The following NPAS3 variants were observed in gnomAD, a reference collection of about 807,000 sequenced individuals.
NPAS3 encodes the protein neuronal PAS domain protein 3.
In NPAS3, 14 loss-of-function variants were observed where a neutral mutation model predicts 73.1. That is an observed-to-expected ratio of 0.19 (90% CI 0.13 to 0.30). The LOEUF is 0.30. Ranked by LOEUF, NPAS3 falls within the 10% of genes least tolerant of loss-of-function variation. The probability of loss-of-function intolerance (pLI) is 1.00; values close to 1 mark genes in which losing one functional copy is unlikely to be tolerated. For missense variants in NPAS3, 1,096 were observed against 1,250.0 expected (o/e 0.88, Z 1.86); for synonymous variants, 620 against 541.5 (o/e 1.14, Z -2.01).
At chr14:33,018,050 C>T (rs1180869368) in intron 1 of NPAS3, among the ~76,000 whole-genome samples, 1 of 152,066 alleles carries the variant, frequency 6.6e-6, no homozygotes, top group Admixed American at 6.5e-5. Context: ...AAAAAAGAAA[C>T]TGGTCCCATT....
chr14:33,635,079 G>A (rs560758201), intron 5 of NPAS3, among the ~76,000 whole-genome samples: 1 of 152,284 alleles, frequency 6.6e-6, no homozygotes, highest in South Asian at 2.1e-4. Flanking sequence ...GGAGAAAAGC[G>A]GGGCCCAGGT....
At chr14:33,731,427 A>G (rs1428464858) in intron 6 of NPAS3, among the ~76,000 whole-genome samples, 1 of 148,604 alleles carries the variant, frequency 6.7e-6, no homozygotes, top group Non-Finnish European at 1.5e-5. Context: ...TCATTTGAAA[A>G]AAAAAAAAAA....
intron 6 of NPAS3, among the ~76,000 whole-genome samples, chr14:33,716,594 G>A (rs564222419): frequency 1.3e-5 from 2 of 152,130 alleles, no homozygotes; most frequent in East Asian, 1.9e-4. Context: ...ATCCTAAACC[G>A]AAACCCTGTA....
chr14:33,332,017 G>A (rs1277654797), intron 3 of NPAS3, among the ~76,000 whole-genome samples: 1 of 152,156 alleles, frequency 6.6e-6, no homozygotes, highest in Non-Finnish European at 1.5e-5. Flanking sequence ...TGCAGTGCTT[G>A]CTGCTGAAAA....
At chr14:33,025,581 C>A (rs996711930) in intron 1 of NPAS3, among the ~76,000 whole-genome samples, 2 of 152,144 alleles carry the variant, frequency 1.3e-5, no homozygotes, top group African/African-American at 4.8e-5. Context: ...CCACCCAAAT[C>A]TCATGTTGAA....
intron 3 of NPAS3, among the ~76,000 whole-genome samples, chr14:33,234,558 T>C (rs947671436): frequency 1.3e-5 from 2 of 152,114 alleles, no homozygotes; most frequent in Non-Finnish European, 2.9e-5. Context: ...GTCTGGCCAG[T>C]TCAGTTATAT....
At chr14:33,604,398 ATATAAC>A (rs1369586778) in intron 5 of NPAS3, among the ~76,000 whole-genome samples, 2 of 152,130 alleles carry the variant, frequency 1.3e-5, no homozygotes, top group Non-Finnish European at 2.9e-5. Context: ...AGATCAAAGA[ATATAAC>A]TATGGATAAA....
At position 33,193,242 on chromosome 14, in the gene NPAS3, A is replaced by G. The variant is rs545013950; in HGVS notation, c.141-21940A>G. Among the ~76,000 whole-genome samples the G allele has an allele frequency of 3.3e-5, 5 of 150,422 alleles. No homozygotes were observed. In the South Asian group the frequency reaches 8.4e-4, roughly 25 times the overall value. On this transcript the variant is annotated intron_variant, in intron 2 of 11. Transcript: ENST00000356141. ...GCTTAACATTTTATTTATTTATTTA[A>G]CTATAGATTGGTTTGAGATGCAATA...
intron 1 of NPAS3, among the ~76,000 whole-genome samples, chr14:32,975,578 T>C (rs1339792277): frequency 6.6e-6 from 1 of 152,228 alleles, no homozygotes; most frequent in African/African-American, 2.4e-5. Context: ...AGGAGATTTA[T>C]AAGGAAACAT....
intron 2 of NPAS3, among the ~76,000 whole-genome samples, chr14:33,118,853 A>C (rs999267225): frequency 6.6e-6 from 1 of 151,788 alleles, no homozygotes; most frequent in Non-Finnish European, 1.5e-5. Context: ...AGGGCAAGAC[A>C]GCTCAGCAAA....
chr14:33,616,677 C>G (rs988173874), intron 5 of NPAS3, among the ~76,000 whole-genome samples: 6 of 152,162 alleles, frequency 3.9e-5, no homozygotes, highest in African/African-American at 1.4e-4. Flanking sequence ...TAGAGCAACT[C>G]TTTAAAACCG....
chr14:33,501,361 A>G (rs753853412), intron 4 of NPAS3, among the ~76,000 whole-genome samples: 364 of 152,010 alleles, frequency 2.4e-3, no homozygotes, highest in Non-Finnish European at 4.3e-3. Context: ...TTTATTGTCT[A>G]TTGGGGCAGT....
At chr14:32,990,940 C>CA (rs202034165) in intron 1 of NPAS3, among the ~76,000 whole-genome samples, 7,147 of 147,580 alleles carry the variant, frequency 0.048, 424 homozygotes, top group African/African-American at 0.15. Context: ...AAAACAAAAA[C>CA]AAAAAAAAAC....
At chr14:33,371,780 A>C (rs1279716985) in intron 4 of NPAS3, among the ~76,000 whole-genome samples, 1 of 152,206 alleles carries the variant, frequency 6.6e-6, no homozygotes, top group East Asian at 1.9e-4. Context: ...TTCAGCTTAA[A>C]TATGATGAAT....
chr14:33,272,367 A>G (rs1372818277), intron 3 of NPAS3, among the ~76,000 whole-genome samples: 1 of 152,156 alleles, frequency 6.6e-6, no homozygotes, highest in Non-Finnish European at 1.5e-5. Context: ...TAGAGTCATA[A>G]TCTTAAGTAT....
intron 1 of NPAS3, among the ~76,000 whole-genome samples, chr14:33,053,197 C>A (rs1056013164): frequency 1.3e-5 from 2 of 152,108 alleles, no homozygotes; most frequent in Admixed American, 1.3e-4. Context: ...TGTTATTTGA[C>A]CAGATGGTGG....
intron 3 of NPAS3, among the ~76,000 whole-genome samples, chr14:33,288,113 G>C (rs554922584): frequency 1.3e-5 from 2 of 152,104 alleles, no homozygotes; most frequent in Non-Finnish European, 2.9e-5. Context: ...GTCCAGAAGA[G>C]GAAACTGATT....
At chr14:33,742,330 A>G (rs1370264669) in intron 7 of NPAS3, among the ~76,000 whole-genome samples, 1 of 152,198 alleles carries the variant, frequency 6.6e-6, no homozygotes, top group Non-Finnish European at 1.5e-5. Context: ...AGATACAGGC[A>G]TATCTTGGAG....
At chr14:33,223,794 G>A (rs1278612836) in intron 3 of NPAS3, among the ~76,000 whole-genome samples, 1 of 151,640 alleles carries the variant, frequency 6.6e-6, no homozygotes, top group Non-Finnish European at 1.5e-5. Context: ...CCCTGTACAT[G>A]GAGGTACCAT....
Sources: allele counts gnomAD v4.1 joint callset (sites outside exome capture counted in the v4.1 genomes callset), GRCh38; gene constraint gnomAD v4.1.1; transcripts MANE v1.5; gene names NCBI Gene and HGNC (gene_info 2026-07-23, HGNC 2026-07-21).